Variants in PMS2 observed in about 807,000 individuals in gnomAD.
PMS2 encodes mismatch repair endonuclease PMS2.
Under a neutral mutation model 90.0 loss-of-function variants are expected in PMS2, and 69 were observed. That is an observed-to-expected ratio of 0.77 (90% CI 0.63 to 0.94). The LOEUF (loss-of-function observed/expected upper bound fraction) is 0.94, where lower values mean the gene tolerates loss of function less well. Among genes scored for constraint, PMS2 ranks in the 40% least tolerant of loss-of-function variants. The pLI is 0.00. For missense variants in PMS2, 966 were observed against 1,040.2 expected (o/e 0.93, Z 0.98); for synonymous variants, 332 against 375.1 (o/e 0.89, Z 1.33).
At chr7:5,989,313 C>T (rs933387237) in intron 10 of PMS2, among the ~76,000 whole-genome samples, 1 of 151,814 alleles carries the variant, frequency 6.6e-6, no homozygotes, top group Non-Finnish European at 1.5e-5. Context: ...CGCCTGTAAT[C>T]CCAGCTACTC....
intron 8 of PMS2, 95 bp from the exon 9 acceptor site, chr7:5,992,152 C>T: frequency 1.4e-6 from 1 of 706,370 alleles, no homozygotes. Context: ...CCAGCATGTT[C>T]TTAGAAGGGG....
chr7:6,008,649 G>A (rs562483834), intron 1 of PMS2, among the ~76,000 whole-genome samples: 1 of 152,306 alleles, frequency 6.6e-6, no homozygotes, highest in East Asian at 1.9e-4. Context: ...AGAACAGGTA[G>A]AAAGGAAATG....
chr7:6,008,771 C>A (rs1786198365), intron 1 of PMS2, among the ~76,000 whole-genome samples: 2 of 152,294 alleles, frequency 1.3e-5, no homozygotes, highest in Middle Eastern at 6.8e-3. Context: ...AGGGCCGAAT[C>A]CTTTGCCCGC....
chr7:6,006,472 T>G lies in PMS2; in HGVS notation c.24-441A>C, dbSNP rs181220190. Among the ~76,000 whole-genome samples, 56 of 152,076 alleles carry G rather than the reference T, an allele frequency of 3.7e-4. 1 individual carries two copies. Among genetic ancestry groups the G allele is most frequent in the Non-Finnish European group, 6.3e-4 (43 of 67,994 alleles). On this transcript the variant is annotated intron_variant, in intron 1 of 14. Coordinates refer to ENST00000265849, the MANE Select transcript of PMS2 (RefSeq NM_000535.7). ...TTCGACACCAGCCTGGCCAACACGG[T>G]GAAACCCCGTCTTTACTAAAAATAC... is the stretch of plus-strand genomic sequence containing the variant.
At chr7:5,998,983 C>T (rs1784766170) in intron 6 of PMS2, 125 bp downstream of exon 6, 1 of 895,988 alleles carries the variant, frequency 1.1e-6, no homozygotes, top group Non-Finnish European at 1.7e-6. Context: ...GTGCGAGACT[C>T]CCTCTCAAAA....
In PMS2 at chr7:5,978,636, T is replaced by C. The variant is rs1554294453; in HGVS notation, c.2235A>G (p.Ile745Met). ...NEAVLIENLE[I>M]FRKNGFDFVI... ...CAAAATCAAAGCCATTCTTTCTAAA[T>C]ATTTCCAGATTTTCTATCAGAACAG... The change falls in exon 13 of 15, where the codon ATA becomes ATG. Residue 745 changes from isoleucine (I) to methionine (M), a missense_variant. Transcript: ENST00000265849. 1.9e-6 allele frequency: 3 copies of C among 1,604,028 alleles called. No homozygotes were observed. The highest frequency in any genetic ancestry group is 2.6e-6 in the Non-Finnish European group (3 of 1,173,516).
intron 9 of PMS2, among the ~76,000 whole-genome samples, chr7:5,990,355 C>T (rs1583337772): frequency 6.6e-6 from 1 of 152,186 alleles, no homozygotes. Flanking sequence ...ATTTCATTCA[C>T]TTGTATTTAT....
At chr7:5,989,610 T>G (rs2128745808) in intron 10 of PMS2, among the ~76,000 whole-genome samples, 190 bp downstream of exon 10, 1 of 152,176 alleles carries the variant, frequency 6.6e-6, no homozygotes, top group Non-Finnish European at 1.5e-5. Flanking sequence ...GATGCTGCAG[T>G]GAGCTACAAT....
intron 9 of PMS2, 30 bp downstream of exon 9, chr7:5,991,943 T>C: frequency 1.0e-6 from 1 of 972,316 alleles, no homozygotes; most frequent in Non-Finnish European, 1.7e-6. Context: ...CATTAGTCAC[T>C]AGTTGTACTG....
In PMS2 at chr7:6,005,857, T is replaced by G. The variant is rs778907299; in HGVS notation, c.163+35A>C. ...TCTTAACTACAACAACATTCACAGA[T>G]CATTTCTTGTGGCTTAAAACTCTCC... is the stretch of plus-strand genomic sequence containing the variant. On this transcript the variant is annotated intron_variant, in intron 2 of 14. Transcript: ENST00000265849. 1.9e-5 allele frequency: 31 copies of G among 1,610,384 alleles called. No individual in the cohort carries two copies. In the Middle Eastern group the frequency reaches 9.0e-4, roughly 47 times the overall value.
chr7:5,999,581 A>G (rs1784869050), intron 5 of PMS2, among the ~76,000 whole-genome samples: 1 of 152,090 alleles, frequency 6.6e-6, no homozygotes, highest in Admixed American at 6.6e-5. Flanking sequence ...ACTTGAGACC[A>G]GGAGTTCAAG....
rs876661105 is a variant in PMS2, at chr7:6,005,948, C to T, written c.107G>A (p.Ser36Asn). The T allele has an allele frequency of 8.1e-6, 13 of 1,610,712 alleles. No individual in the cohort carries two copies. The highest frequency in any genetic ancestry group is 1.3e-5 in the African/African-American group (1 of 74,844). Residue 36 changes from serine to asparagine, a missense_variant, in exon 2 of 15, where the codon AGC becomes AAC. By Grantham distance (46) the Ser-to-Asn change is conservative (BLOSUM62 1). This residue lies in a region of PMS2 where 871 missense variants were observed against 802.4 expected (regional missense o/e 1.09). Coordinates refer to ENST00000265849, the MANE Select transcript of PMS2 (RefSeq NM_000535.7). ...TTCTACTAACTCCTTTACCGCAGTG[C>T]TTAGACTCAGTACCACCTGCCCAGA... ...ICSGQVVLSL[S>N]TAVKELVENS...
intron 8 of PMS2, among the ~76,000 whole-genome samples, chr7:5,994,577 T>G (rs888567633): frequency 3.3e-5 from 5 of 151,370 alleles, no homozygotes; most frequent in East Asian, 2.0e-4. Flanking sequence ...ATCAAAACCA[T>G]CCTGGCTAAC....
In PMS2 at chr7:6,002,448, T is replaced by C. The variant is rs1562688519; in HGVS notation, c.537+5A>G. On this transcript the variant is annotated splice_donor_5th_base_variant and intron_variant, in intron 5 of 14. Transcript: ENST00000265849. ...CTCTTGAAAACCAGGATTAATTTAC[T>C]GTACCTTCTTAATATTCCTTTGAAA... The C allele has an allele frequency of 1.3e-6, 2 of 1,588,134 alleles. No homozygotes were observed. Among genetic ancestry groups the C allele is most frequent in the Non-Finnish European group, 1.7e-6 (2 of 1,159,028 alleles).
In PMS2 at chr7:6,005,904, C is replaced by T. The variant is rs761352832; in HGVS notation, c.151G>A (p.Ala51Thr). 1 of 1,610,842 alleles carries T rather than the reference C, an allele frequency of 6.2e-7. No homozygotes were observed. The highest frequency in any genetic ancestry group is 1.1e-5 in the South Asian group (1 of 90,990). Residue 51 changes from alanine to threonine, a missense_variant, in exon 2 of 15, where the codon GCC becomes ACC. Transcript: ENST00000265849. Reference protein sequence around the residue: ...ELVENSLDAGATNIDLKLKDY... With the variant: ...ELVENSLDAGTTNIDLKLKDY... ...CTCCCAAACTTACCAATATTAGTGGCACCAGCATCCAGACTGTTTTCTACT... is the reference window on the plus strand; with the variant it reads ...CTCCCAAACTTACCAATATTAGTGGTACCAGCATCCAGACTGTTTTCTACT...
At chr7:5,986,422 T>C (rs1298114671) in intron 11 of PMS2, among the ~76,000 whole-genome samples, 5 of 149,240 alleles carry the variant, frequency 3.4e-5, no homozygotes, top group Non-Finnish European at 1.5e-5. Context: ...CCGGGTGTGG[T>C]GGCTCACACC....
At chr7:5,984,184 TCACAC>T (rs1782608046) in intron 11 of PMS2, among the ~76,000 whole-genome samples, 1 of 151,910 alleles carries the variant, frequency 6.6e-6, no homozygotes, top group South Asian at 2.1e-4. Context: ...CTGTGAAAAG[TCACAC>T]TCCCACCAAT....
intron 5 of PMS2, 80 bp from the exon 6 acceptor site, chr7:5,999,355 C>T (rs148728760): frequency 6.1e-5 from 77 of 1,253,530 alleles, no homozygotes; most frequent in East Asian, 4.0e-4. Flanking sequence ...CAACATCCAA[C>T]GCAAGGTTCT....
At chr7:5,985,264 ATT>A (rs142453627) in intron 11 of PMS2, among the ~76,000 whole-genome samples, 14 of 116,774 alleles carry the variant, frequency 1.2e-4, no homozygotes, top group Non-Finnish European at 7.0e-5. Flanking sequence ...TACTTAGCTA[ATT>A]TTTTTTTTTT....
Sources: gnomAD v4.1 joint callset for allele counts (sites outside exome capture counted in the v4.1 genomes callset) on GRCh38, gnomAD v4.1.1 for gene constraint, gnomAD v4.1.1 regional missense constraint, MANE v1.5 for transcripts, NCBI Gene and HGNC (gene_info 2026-07-23, HGNC 2026-07-21) for gene names.